Variants in ASIC4 observed in about 807,000 individuals in gnomAD.
ASIC4 encodes acid sensing ion channel subunit family member 4.
A neutral mutation model predicts 53.4 loss-of-function variants in ASIC4; 28 were observed. The ratio of observed to expected loss-of-function variants is 0.52; its 90% CI spans 0.39 to 0.72. ASIC4 has a LOEUF of 0.72. Among genes scored for constraint, ASIC4 ranks in the 30% least tolerant of loss-of-function variants. The probability of loss-of-function intolerance (pLI) is 0.00; values close to 1 mark genes in which losing one functional copy is unlikely to be tolerated. For synonymous variants in ASIC4, 289 were observed against 301.4 expected (o/e 0.96, Z 0.43); for missense variants, 649 against 729.7 (o/e 0.89, Z 1.27).
At chr2:219,532,155 T>C in intron 3 of ASIC4, 27 bp downstream of exon 3, 1 of 1,613,724 alleles carries the variant, frequency 6.2e-7, no homozygotes, top group Non-Finnish European at 8.5e-7. Flanking sequence ...AGGCCCTGGA[T>C]TGGGCACAGG....
chr2:219,537,513 G>A lies in ASIC4; in HGVS notation c.1402-119G>A. The A allele has an allele frequency of 9.6e-7, 1 of 1,039,456 alleles. No homozygotes were observed. The highest frequency in any genetic ancestry group is 1.4e-6 in the Non-Finnish European group (1 of 704,984). The allele number at this position is 1,039,456 out of a possible 1,614,324, so 64.4% of individuals were successfully genotyped here. A position where few individuals can be genotyped will look rare whatever the true frequency, so the allele number is the denominator to read the frequency against. On this transcript the variant is annotated intron_variant, in intron 8 of 9. Coordinates refer to ENST00000358078, the MANE Select transcript of ASIC4 (RefSeq NM_018674.6). The surrounding 1 kb of genome is among the most constrained non-coding windows in gnomAD (Gnocchi z 4.9). Reference sequence around the variant, plus strand: ...GGGGATGGGTGAGGAGGAGGAGGGTGTCCTACTGGGAGTTTGCTGTGGCAG... The same window carrying A: ...GGGGATGGGTGAGGAGGAGGAGGGTATCCTACTGGGAGTTTGCTGTGGCAG...
chr2:219,530,121 G>C (rs73087260), intron 1 of ASIC4, among the ~76,000 whole-genome samples: 5 of 152,318 alleles, frequency 3.3e-5, no homozygotes, highest in East Asian at 1.9e-4. Flanking sequence ...GGAGAGGGGA[G>C]GGGGAGCGGG....
At chr2:219,515,420 C>T (rs1215504902) in intron 1 of ASIC4, 114 bp downstream of exon 1, 5 of 1,328,688 alleles carry the variant, frequency 3.8e-6, no homozygotes, top group Non-Finnish European at 5.0e-6. Flanking sequence ...CTTCATTCCA[C>T]CACCAGAGGC....
chr2:219,538,253 C>T lies in ASIC4; in HGVS notation c.*207C>T. On this transcript the variant is annotated 3_prime_UTR_variant, in exon 10 of 10. Transcript: ENST00000358078. ...CACCCCTTATCCCCAGGCTGGTGCC[C>T]CGGGAGGGCTGGAGACCAGGCCATG... 1 of 582,736 alleles carries T rather than the reference C, an allele frequency of 1.7e-6. No homozygotes were observed. The highest frequency in any genetic ancestry group is 3.0e-6 in the Non-Finnish European group (1 of 328,496). The allele number at this position is 582,736 out of a possible 1,614,324, so 36.1% of individuals were successfully genotyped here.
chr2:219,531,473 A>G (rs900614193), intron 1 of ASIC4, among the ~76,000 whole-genome samples: 6 of 152,128 alleles, frequency 3.9e-5, no homozygotes, highest in African/African-American at 1.4e-4. Flanking sequence ...CTGGGTGGAT[A>G]TAGTGGGGTG....
At chr2:219,509,108 C>T in the ASIC4 span, among the ~76,000 whole-genome samples, 1 of 151,918 alleles carries the variant, frequency 6.6e-6, no homozygotes, top group East Asian at 1.9e-4. This position sits in a 1 kb window ranked among gnomAD's most constrained non-coding sequence, Gnocchi z 5.2. Context: ...GGGCAGAGCC[C>T]TCATCTCCCT....
chr2:219,522,551 G>A (rs986964063), intron 1 of ASIC4, among the ~76,000 whole-genome samples: 2 of 152,160 alleles, frequency 1.3e-5, no homozygotes, highest in East Asian at 3.9e-4. Flanking sequence ...GCAGCCTCCC[G>A]GGCCTCGTGC....
intron 5 of ASIC4, chr2:219,533,634 G>A (rs1417762198): frequency 6.5e-6 from 1 of 154,444 alleles, no homozygotes; most frequent in East Asian, 1.9e-4. Flanking sequence ...AGGTGCAAAG[G>A]GGGACATACA....
chr2:219,514,475 G>T, upstream of ASIC4: 1 of 1,550,626 alleles, frequency 6.4e-7, no homozygotes, highest in Non-Finnish European at 8.7e-7. Context: ...GCCACAAGGA[G>T]ACGATCGAGG....
chr2:219,531,009 T>C (rs145185006), intron 1 of ASIC4, among the ~76,000 whole-genome samples: 105 of 151,750 alleles, frequency 6.9e-4, no homozygotes, highest in African/African-American at 2.2e-3. Context: ...AAAATGAGGG[T>C]TGCTGGAGAA....
At chr2:219,513,626 C>T (rs1694730355), upstream of ASIC4, among the ~76,000 whole-genome samples, 1 of 152,236 alleles carries the variant, frequency 6.6e-6, no homozygotes, top group South Asian at 2.1e-4. Flanking sequence ...CACACCTCCC[C>T]TTTGCTCCCT....
In ASIC4 at chr2:219,518,338, C is replaced by T. The variant is rs934855331; in HGVS notation, c.582+3032C>T. Reference sequence around the variant, plus strand: ...ACGAGGTGCATGGGTAGTAAGAGGTCGAGTTCAGAGAAGGAGAGGCCATTC... The same window carrying T: ...ACGAGGTGCATGGGTAGTAAGAGGTTGAGTTCAGAGAAGGAGAGGCCATTC... On this transcript the variant is annotated intron_variant, in intron 1 of 9. Coordinates refer to ENST00000358078, the MANE Select transcript of ASIC4 (RefSeq NM_018674.6). This position sits in a 1 kb window ranked among gnomAD's most constrained non-coding sequence, Gnocchi z 4.8. Among the ~76,000 whole-genome samples the T allele has an allele frequency of 1.3e-5, 2 of 151,860 alleles. No individual in the cohort carries two copies. The highest frequency in any genetic ancestry group is 2.9e-5 in the Non-Finnish European group (2 of 68,010).
At chr2:219,509,567 C>T (rs778599648), upstream of ASIC4, among the ~76,000 whole-genome samples, 6 of 152,172 alleles carry the variant, frequency 3.9e-5, no homozygotes, top group Non-Finnish European at 5.9e-5. This position sits in a 1 kb window ranked among gnomAD's most constrained non-coding sequence, Gnocchi z 5.2. Context: ...TCCCCTCTGC[C>T]GCCATGGCCA....
chr2:219,532,405 TCTGCCTGCCGGCTGCG>T lies in ASIC4; in HGVS notation c.950_965del (p.Ala317ValfsTer56). 6.2e-7 allele frequency: 1 copy of T among 1,614,076 alleles called. No homozygotes were observed. The highest frequency in any genetic ancestry group is 1.3e-5 in the African/African-American group (1 of 75,050). Reference sequence around the variant, plus strand: ...TCAGGGCTACTCGGCCTACAGTGTGTCTGCCTGCCGGCTGCGCTGTGAAAAGGAGGCCGTGCTTCAG... The same window carrying T: ...TCAGGGCTACTCGGCCTACAGTGTGTCTGTGAAAAGGAGGCCGTGCTTCAG... On this transcript the variant is annotated frameshift_variant, in exon 4 of 10. Transcript: ENST00000358078. LOFTEE classifies it high-confidence loss of function.
At position 219,537,209 on chromosome 2, in the gene ASIC4, C is replaced by G. The variant is rs199546965; in HGVS notation, c.1322-33C>G. The G allele has an allele frequency of 1.9e-6, 3 of 1,611,546 alleles. No individual in the cohort carries two copies. The highest frequency in any genetic ancestry group is 2.2e-5 in the South Asian group (2 of 90,952). On this transcript the variant is annotated intron_variant, in intron 7 of 9. Coordinates refer to ENST00000358078, the MANE Select transcript of ASIC4 (RefSeq NM_018674.6). This position sits in a 1 kb window ranked among gnomAD's most constrained non-coding sequence, Gnocchi z 4.9. The stretch of plus-strand genomic sequence containing the variant: ...TTGTGTGGGGGTGGATCGGCCCGGC[C>G]GCTCCCTCTGACACTGCTCTCCTGC...
At chr2:219,511,550 G>A (rs896140793), upstream of ASIC4, among the ~76,000 whole-genome samples, 2 of 152,150 alleles carry the variant, frequency 1.3e-5, no homozygotes, top group African/African-American at 4.8e-5. The surrounding 1 kb of genome is among the most constrained non-coding windows in gnomAD (Gnocchi z 5.3). Flanking sequence ...AAAGGAACCT[G>A]GGATGAGGCT....
At chr2:219,526,637 G>A (rs1694965808) in intron 1 of ASIC4, among the ~76,000 whole-genome samples, 1 of 152,140 alleles carries the variant, frequency 6.6e-6, no homozygotes, top group Non-Finnish European at 1.5e-5. Flanking sequence ...ACTGAGATCA[G>A]GAAACAGAGG....
chr2:219,526,495 A>G (rs1694963986), intron 1 of ASIC4, among the ~76,000 whole-genome samples: 1 of 152,196 alleles, frequency 6.6e-6, no homozygotes, highest in Non-Finnish European at 1.5e-5. Flanking sequence ...ATCCAGGACA[A>G]TGGGAGAGAA....
chr2:219,515,330 C>T, intron 1 of ASIC4, 24 bp downstream of exon 1: 7 of 1,592,602 alleles, frequency 4.4e-6, no homozygotes, highest in Non-Finnish European at 6.0e-6. Context: ...GCTGGGCTGC[C>T]TGGCCTTGGA....
Sources: allele counts gnomAD v4.1 joint callset (sites outside exome capture counted in the v4.1 genomes callset), GRCh38; gene constraint gnomAD v4.1.1; non-coding constraint Gnocchi (gnomAD v3.1); transcripts MANE v1.5; gene names NCBI Gene and HGNC (gene_info 2026-07-23, HGNC 2026-07-21).